RBFOX1: variants seen among roughly 807,000 people sequenced by gnomAD.
RBFOX1 encodes RNA binding fox-1 homolog 1.
Under a neutral mutation model 57.7 loss-of-function variants are expected in RBFOX1, and 8 were observed. The observed-to-expected ratio is 0.14, with a 90% CI of 0.08 to 0.25. The LOEUF (loss-of-function observed/expected upper bound fraction) is 0.25. Among genes scored for constraint, RBFOX1 ranks in the 10% least tolerant of loss-of-function variants. RBFOX1 has a pLI of 1.00. For missense variants in RBFOX1, 611 were observed against 548.5 expected, an observed-to-expected ratio of 1.11 and a Z score of -1.14; for synonymous variants, 326 against 222.4, an observed-to-expected ratio of 1.47 and a Z score of -4.15.
intron 2 of RBFOX1, among the ~76,000 whole-genome samples, chr16:6,337,536 A>G (rs1366263565): frequency 6.6e-6 from 1 of 152,220 alleles, no homozygotes; most frequent in Admixed American, 6.5e-5. Flanking sequence ...ATTGATGTGG[A>G]AGTAAGTCTC....
intron 3 of RBFOX1, among the ~76,000 whole-genome samples, chr16:5,673,509 G>C (rs867442116): frequency 6.6e-6 from 1 of 152,206 alleles, no homozygotes; most frequent in Non-Finnish European, 1.5e-5. Context: ...AGCCTCAGCA[G>C]GGTCTCGCTT....
At chr16:5,972,278 T>A (rs2059977437) in intron 4 of RBFOX1, among the ~76,000 whole-genome samples, 1 of 152,224 alleles carries the variant, frequency 6.6e-6, no homozygotes, top group Non-Finnish European at 1.5e-5. Context: ...AGTTGCTAAG[T>A]GGATTCCTAG....
rs576961152 is a variant in RBFOX1 at position 5,385,843 on chromosome 16, G to A, written c.220-81373G>A. Among the ~76,000 whole-genome samples, 5 of 152,292 alleles carry A rather than the reference G, an allele frequency of 3.3e-5. No individual in the cohort carries two copies. The East Asian group carries it at 9.7e-4, about 29-fold the overall frequency. On this transcript the variant is annotated intron_variant, in intron 1 of 2. Coordinates refer to the RBFOX1 transcript ENST00000585867. ...ACCAATATTGAAATTGACAAGAGGTGAATGCAACTGATATAATGTGTGATT... is the reference window on the plus strand; with the variant it reads ...ACCAATATTGAAATTGACAAGAGGTAAATGCAACTGATATAATGTGTGATT...
intron 3 of RBFOX1, chr16:5,610,719 A>T (rs554508858): frequency 6.6e-6 from 1 of 152,036 alleles, no homozygotes; most frequent in South Asian, 2.1e-4. Flanking sequence ...AAAATTAAAA[A>T]TTTAATGGCG....
chr16:6,688,327 C>A (rs2059739083), intron 3 of RBFOX1, among the ~76,000 whole-genome samples: 1 of 152,114 alleles, frequency 6.6e-6, no homozygotes, highest in African/African-American at 2.4e-5. Context: ...GGTGCTAAAC[C>A]ATTAGAAACC....
chr16:6,288,269 T>C (rs1348081478), intron 1 of RBFOX1, among the ~76,000 whole-genome samples: 1 of 152,192 alleles, frequency 6.6e-6, no homozygotes, highest in East Asian at 1.9e-4. Flanking sequence ...TATCAAGTTA[T>C]GTTGTGCATA....
At chr16:6,745,728 G>A (rs73543695) in intron 3 of RBFOX1, among the ~76,000 whole-genome samples, 13,378 of 152,168 alleles carry the variant, frequency 0.088, 730 homozygotes, top group East Asian at 0.15. Flanking sequence ...CCCAAGATTG[G>A]GAACAAAGCA....
At chr16:5,952,620 A>T (rs770737608) in intron 4 of RBFOX1, among the ~76,000 whole-genome samples, 6 of 152,104 alleles carry the variant, frequency 3.9e-5, no homozygotes, top group Admixed American at 2.0e-4. Flanking sequence ...GTTATTTACC[A>T]TTATATTCTT....
chr16:7,240,751 G>C (rs1034922656), intron 4 of RBFOX1, among the ~76,000 whole-genome samples: 1 of 152,050 alleles, frequency 6.6e-6, no homozygotes, highest in Non-Finnish European at 1.5e-5. Context: ...TTGTTTGTTT[G>C]TGGAGATGGG....
At chr16:6,125,926 C>T (rs368122340) in intron 1 of RBFOX1, among the ~76,000 whole-genome samples, 5 of 152,016 alleles carry the variant, frequency 3.3e-5, no homozygotes, top group Non-Finnish European at 2.9e-5. Flanking sequence ...AGTTAAATAC[C>T]TTTCAGTATT....
At chr16:5,388,738 C>G (rs939768223) in intron 1 of RBFOX1, among the ~76,000 whole-genome samples, 5 of 151,878 alleles carry the variant, frequency 3.3e-5, no homozygotes. Flanking sequence ...CCATGCCCAG[C>G]TAATTTTTTT....
intron 4 of RBFOX1, among the ~76,000 whole-genome samples, chr16:7,144,468 G>T (rs1199348775): frequency 8.6e-6 from 1 of 116,780 alleles, no homozygotes; most frequent in African/African-American, 3.1e-5. Context: ...GTTCTGGCTG[G>T]AGTGCAGTGG....
intron 3 of RBFOX1, among the ~76,000 whole-genome samples, chr16:5,703,336 A>G (rs1043435151): frequency 5.9e-5 from 9 of 152,178 alleles, no homozygotes; most frequent in African/African-American, 2.2e-4. Flanking sequence ...TTGGCCATGC[A>G]AAGAGGGCAG....
intron 2 of RBFOX1, among the ~76,000 whole-genome samples, chr16:6,512,924 C>G (rs1427471217): frequency 1.3e-5 from 2 of 152,190 alleles, no homozygotes; most frequent in Non-Finnish European, 2.9e-5. Context: ...CATTGGCCTT[C>G]TATCTTTTGC....
Position 7,046,974 on chromosome 16 carries a change from C to A in RBFOX1, c.-15-5083C>A, listed in dbSNP as rs1041817484. ...AGCTCTTCATGCACTTCCCTCCCCCCCAGTTTTTTGCTTTAAGCCATTAAA... is the reference window on the plus strand; with the variant it reads ...AGCTCTTCATGCACTTCCCTCCCCCACAGTTTTTTGCTTTAAGCCATTAAA... On this transcript the variant is annotated intron_variant, in intron 3 of 15. Coordinates refer to ENST00000550418, the MANE Select transcript of RBFOX1 (RefSeq NM_018723.4). Among the ~76,000 whole-genome samples, 4 of 151,896 alleles carry A rather than the reference C, an allele frequency of 2.6e-5. No individual in the cohort carries two copies. The Middle Eastern group carries it at 0.01, about 390-fold the overall frequency.
At position 6,046,095 on chromosome 16, in the gene RBFOX1, G is replaced by A. The variant is rs1567326356; in HGVS notation, c.-127+26103G>A. ...TCTGATGGTTTTACACAAGGAAGAG[G>A]AACATTCTGATTTTTGTGTTAAAAT... On this transcript the variant is annotated intron_variant, in intron 1 of 15. Transcript: ENST00000550418. 5.3e-5 allele frequency among the ~76,000 whole-genome samples: 8 copies of A among 152,284 alleles called. No individual in the cohort carries two copies. The South Asian group carries it at 1.7e-3, about 32-fold the overall frequency.
At chr16:6,957,670 T>G (rs2082155419) in intron 3 of RBFOX1, among the ~76,000 whole-genome samples, 1 of 152,132 alleles carries the variant, frequency 6.6e-6, no homozygotes, top group Non-Finnish European at 1.5e-5. Context: ...TCTTGTGACT[T>G]AGAATGCCTT....
chr16:7,163,406 A>G (rs183766386), intron 4 of RBFOX1, among the ~76,000 whole-genome samples: 112 of 152,222 alleles, frequency 7.4e-4, no homozygotes, highest in African/African-American at 2.4e-3. Context: ...AATTTCATCA[A>G]TGTGTATGAA....
At chr16:6,711,734 A>G (rs1338034209) in intron 3 of RBFOX1, among the ~76,000 whole-genome samples, 1 of 151,874 alleles carries the variant, frequency 6.6e-6, no homozygotes, top group Admixed American at 6.6e-5. Flanking sequence ...GGACCGATAC[A>G]CTCCTCACTG....
Sources: allele counts gnomAD v4.1 joint callset (sites outside exome capture counted in the v4.1 genomes callset), GRCh38; gene constraint gnomAD v4.1.1; transcripts MANE v1.5; gene names NCBI Gene and HGNC (gene_info 2026-07-23, HGNC 2026-07-21).